Variants in CFAP100 observed in about 807,000 individuals in gnomAD.
The protein encoded by CFAP100 is cilia- and flagella-associated protein 100.
In CFAP100, 70 loss-of-function variants were observed where a neutral mutation model predicts 81.5. That is an observed-to-expected ratio of 0.86 (90% CI 0.71 to 1.05). The LOEUF (loss-of-function observed/expected upper bound fraction) is 1.05. CFAP100 is among the 50% of genes least tolerant of loss of function. CFAP100 has a pLI of 0.00. For missense variants in CFAP100, 811 were observed against 776.5 expected, an observed-to-expected ratio of 1.04 and a Z score of -0.53; for synonymous variants, 341 against 314.8, an observed-to-expected ratio of 1.08 and a Z score of -0.88.
At chr3:126,412,224 G>A (rs1452957544) in intron 3 of CFAP100, among the ~76,000 whole-genome samples, 2 of 152,074 alleles carry the variant, frequency 1.3e-5, no homozygotes, top group South Asian at 4.2e-4. Context: ...CTCCACCTTG[G>A]CTTCTCTTCC....
chr3:126,410,359 A>G (rs148933717), intron 3 of CFAP100, among the ~76,000 whole-genome samples: 1 of 152,318 alleles, frequency 6.6e-6, no homozygotes, highest in African/African-American at 2.4e-5. Context: ...TTACTTTCAC[A>G]ATAAGACCTA....
chr3:126,411,576 G>A (rs946940688), intron 3 of CFAP100, among the ~76,000 whole-genome samples: 1 of 151,504 alleles, frequency 6.6e-6, no homozygotes, highest in Non-Finnish European at 1.5e-5. Context: ...TTTAAATTAT[G>A]GATTCAATCT....
intron 2 of CFAP100, among the ~76,000 whole-genome samples, chr3:126,403,984 C>A (rs2083025546): frequency 6.6e-6 from 1 of 152,196 alleles, no homozygotes. Context: ...TTATTTTCAG[C>A]AGCTCTGACA....
chr3:126,419,052 C>CA, intron 7 of CFAP100, 24 bp from the exon 8 acceptor site: 10 of 1,002,310 alleles, frequency 1.0e-5, no homozygotes, highest in Non-Finnish European at 1.5e-5. Context: ...CCCCATCCCT[C>CA]CTCCCCCGCC....
chr3:126,428,506 A>G (rs751820819), intron 13 of CFAP100, among the ~76,000 whole-genome samples: 4 of 152,226 alleles, frequency 2.6e-5, no homozygotes, highest in African/African-American at 9.7e-5. Context: ...ACCTGCATGT[A>G]AAGTCTGGAC....
chr3:126,426,224 A>C (rs2083401774), intron 13 of CFAP100, among the ~76,000 whole-genome samples: 1 of 152,224 alleles, frequency 6.6e-6, no homozygotes, highest in African/African-American at 2.4e-5. Flanking sequence ...GCACTTTGGC[A>C]GGCCAAGGCA....
At chr3:126,403,768 C>CT (rs1341400571) in intron 2 of CFAP100, among the ~76,000 whole-genome samples, 1 of 152,152 alleles carries the variant, frequency 6.6e-6, no homozygotes, top group East Asian at 1.9e-4. Context: ...TAGACTTACA[C>CT]TTTAATAAAG....
chr3:126,408,757 A>C (rs2083109358), intron 3 of CFAP100, among the ~76,000 whole-genome samples: 2 of 152,128 alleles, frequency 1.3e-5, no homozygotes, highest in Non-Finnish European at 2.9e-5. Context: ...CAAACTATCA[A>C]GGCAGCCATT....
Position 126,436,290 on chromosome 3 carries a change from G to GT in CFAP100, c.1723-1_1723insT (p.Arg575Ter). 1 of 1,612,138 alleles carries GT rather than the reference G, an allele frequency of 6.2e-7. No individual in the cohort carries two copies. The highest frequency in any genetic ancestry group is 1.1e-5 in the South Asian group (1 of 90,948). The stretch of plus-strand genomic sequence containing the variant: ...GCTCACTGGGCTTGTTTCCCCTGCA[G>GT]AGAGGCAGGACACTGGTATGCCGCT... On this transcript the variant is annotated frameshift_variant and splice_region_variant. Coordinates refer to ENST00000352312, the MANE Select transcript of CFAP100 (RefSeq NM_182628.3). LOFTEE classifies it high-confidence loss of function.
At chr3:126,426,490 G>A (rs1932943271) in intron 13 of CFAP100, among the ~76,000 whole-genome samples, 1 of 151,188 alleles carries the variant, frequency 6.6e-6, no homozygotes, top group Non-Finnish European at 1.5e-5. Context: ...AATGGCTCAT[G>A]CCTGTAATCC....
intron 5 of CFAP100, among the ~76,000 whole-genome samples, chr3:126,417,797 G>A (rs1200595359): frequency 1.3e-5 from 2 of 152,248 alleles, no homozygotes; most frequent in African/African-American, 4.8e-5. Context: ...GGAGAGGAAA[G>A]GGTGTGAGGG....
At chr3:126,421,603 G>C (rs538549829) in intron 11 of CFAP100, among the ~76,000 whole-genome samples, 1 of 152,162 alleles carries the variant, frequency 6.6e-6, no homozygotes, top group Admixed American at 6.5e-5. Flanking sequence ...TCTCCTCCAC[G>C]GGGCCTTTAT....
At position 126,423,528 on chromosome 3, in the gene CFAP100, C is replaced by A. The variant is rs377350865; in HGVS notation, c.1170C>A (p.Leu390=). 1.9e-6 allele frequency: 3 copies of A among 1,614,056 alleles called. No homozygotes were observed. Among genetic ancestry groups the A allele is most frequent in the African/African-American group, 2.7e-5 (2 of 74,920 alleles). Reference sequence around the variant, plus strand: ...TGTACTTCACGGAGCCCCAGCAGCTCCTGGATGTCTTCCGAGAGCTGGAGG... The same window carrying A: ...TGTACTTCACGGAGCCCCAGCAGCTACTGGATGTCTTCCGAGAGCTGGAGG... The part of the protein sequence containing the change: ...PQLYFTEPQQ[L]LDVFRELEEQ... Residue 390 remains leucine, a synonymous_variant, in exon 13 of 17, where the codon CTC becomes CTA. Coordinates refer to ENST00000352312, the MANE Select transcript of CFAP100 (RefSeq NM_182628.3).
Position 126,396,973 on chromosome 3 carries a change from C to T in CFAP100, c.49+924C>T, listed in dbSNP as rs903262240. Among the ~76,000 whole-genome samples the T allele has an allele frequency of 2.0e-5, 3 of 152,360 alleles. No individual in the cohort carries two copies. In the South Asian group the frequency reaches 6.2e-4, roughly 32 times the overall value. ...AAAGCCTCTCCCACCCTGTCAAAGG[C>T]ATACAGTGCCCCTTCCTTAGAGATG... On this transcript the variant is annotated intron_variant, in intron 2 of 16. Transcript: ENST00000352312.
chr3:126,397,748 A>G (rs2082911045), intron 2 of CFAP100, among the ~76,000 whole-genome samples: 1 of 152,178 alleles, frequency 6.6e-6, no homozygotes, highest in African/African-American at 2.4e-5. Flanking sequence ...AGTCAAGAGG[A>G]CTGCTGAGCT....
Position 126,434,242 on chromosome 3 carries a change from C to A in CFAP100, c.1489C>A (p.Gln497Lys), listed in dbSNP as rs1270089121. 1 of 1,614,006 alleles carries A rather than the reference C, an allele frequency of 6.2e-7. No individual in the cohort carries two copies. Residue 497 changes from glutamine to lysine, a missense_variant, in exon 15 of 17, where the codon CAG becomes AAG. Coordinates refer to ENST00000352312, the MANE Select transcript of CFAP100 (RefSeq NM_182628.3). Reference protein sequence around the residue: ...DVYRHCTGTQQEANLGTVQML... With the variant: ...DVYRHCTGTQKEANLGTVQML... ...GTACCGGCACTGCACCGGCACCCAG[C>A]AGGAGGCCAACCTGGGCACCGTGCA...
intron 2 of CFAP100, among the ~76,000 whole-genome samples, chr3:126,402,412 G>A (rs1242467017): frequency 6.6e-6 from 1 of 152,226 alleles, no homozygotes; most frequent in Non-Finnish European, 1.5e-5. Context: ...AGGGAAAGGG[G>A]GACGTGGGCA....
In CFAP100 at chr3:126,420,160, G is replaced by GC. The variant is rs751551024; in HGVS notation, c.1016dup (p.Ser340ValfsTer117). The GC allele has an allele frequency of 1.9e-6, 3 of 1,612,760 alleles. No individual in the cohort carries two copies. Among genetic ancestry groups the GC allele is most frequent in the Non-Finnish European group, 2.5e-6 (3 of 1,179,974 alleles). ...CTGCAGACGATGCGGCTGGGGCGGA[G>GC]CCCGTCTTACCTGAGCAGCCCCCAG... On this transcript the variant is annotated frameshift_variant, in exon 11 of 17. Coordinates refer to ENST00000352312, the MANE Select transcript of CFAP100 (RefSeq NM_182628.3). LOFTEE classifies it high-confidence loss of function.
intron 16 of CFAP100, 126 bp downstream of exon 16, chr3:126,435,778 A>T: frequency 1.4e-6 from 1 of 718,348 alleles, no homozygotes; most frequent in Non-Finnish European, 2.3e-6. Context: ...TCTGAGGGAG[A>T]CAGGCTGCCT....
Sources: gnomAD v4.1 joint callset for allele counts (sites outside exome capture counted in the v4.1 genomes callset) on GRCh38, gnomAD v4.1.1 for gene constraint, MANE v1.5 for transcripts, NCBI Gene and HGNC (gene_info 2026-07-23, HGNC 2026-07-21) for gene names.